MRPS27: variants seen among roughly 807,000 people sequenced by gnomAD.
MRPS27 encodes mitochondrial ribosomal protein S27, also known as small ribosomal subunit protein mS27.
Under a neutral mutation model 48.9 loss-of-function variants are expected in MRPS27, and 43 were observed. That is an observed-to-expected ratio of 0.88 (90% CI 0.69 to 1.13). The LOEUF (loss-of-function observed/expected upper bound fraction) is 1.13, where lower values mean the gene tolerates loss of function less well. MRPS27 is among the 50% of genes most tolerant of loss of function. MRPS27 has a pLI of 0.00. For synonymous variants in MRPS27, 188 were observed against 171.9 expected (o/e 1.09, Z -0.73); for missense variants, 467 against 476.3 (o/e 0.98, Z 0.18).
chr5:72,273,702 C>G (rs1303074020), intron 4 of MRPS27, among the ~76,000 whole-genome samples: 1 of 152,118 alleles, frequency 6.6e-6, no homozygotes, highest in Non-Finnish European at 1.5e-5. Context: ...GGGCACTTAC[C>G]ATGAATAGAG....
At chr5:72,274,296 G>A (rs1210023497) in intron 4 of MRPS27, among the ~76,000 whole-genome samples, 1 of 152,242 alleles carries the variant, frequency 6.6e-6, no homozygotes, top group Non-Finnish European at 1.5e-5. Flanking sequence ...AGAGGTTGCA[G>A]TGAGCAGAGA....
At chr5:72,295,421 A>T in intron 4 of MRPS27, 110 bp downstream of exon 4, 2 of 774,604 alleles carry the variant, frequency 2.6e-6, no homozygotes, top group Non-Finnish European at 4.3e-6. Context: ...AAAGATCTTT[A>T]AAATATAAAC....
chr5:72,277,997 T>G (rs1749423918), intron 4 of MRPS27, among the ~76,000 whole-genome samples: 1 of 152,156 alleles, frequency 6.6e-6, no homozygotes, highest in African/African-American at 2.4e-5. Context: ...GGCTTAATAC[T>G]TAGGTGACAG....
intron 2 of MRPS27, among the ~76,000 whole-genome samples, chr5:72,302,380 G>A (rs1750148307): frequency 6.6e-6 from 1 of 152,152 alleles, no homozygotes; most frequent in Non-Finnish European, 1.5e-5. Flanking sequence ...TAGCACGAGA[G>A]ACTTAAACAA....
chr5:72,263,832 T>A (rs111354073), intron 4 of MRPS27, among the ~76,000 whole-genome samples: 34 of 152,196 alleles, frequency 2.2e-4, no homozygotes, highest in Middle Eastern at 6.8e-3. Context: ...TGGAAAATAG[T>A]TTGGCAGTTC....
At chr5:72,272,348 G>A (rs1267730712) in intron 4 of MRPS27, among the ~76,000 whole-genome samples, 1 of 152,232 alleles carries the variant, frequency 6.6e-6, no homozygotes, top group East Asian at 1.9e-4. Flanking sequence ...AAACTGGTAA[G>A]AGTAGCTCAT....
intron 4 of MRPS27, among the ~76,000 whole-genome samples, chr5:72,252,552 G>A (rs1324508379): frequency 6.6e-6 from 1 of 152,018 alleles, no homozygotes; most frequent in Non-Finnish European, 1.5e-5. Context: ...AAATTGAAGG[G>A]GATTAAAATC....
intron 4 of MRPS27, among the ~76,000 whole-genome samples, chr5:72,268,736 C>A (rs1033467985): frequency 1.3e-5 from 2 of 152,162 alleles, no homozygotes; most frequent in Non-Finnish European, 2.9e-5. Context: ...TGGAATCTTG[C>A]AGGTCTTATA....
At chr5:72,312,281 T>G (rs1049581308) in intron 2 of MRPS27, among the ~76,000 whole-genome samples, 6 of 152,216 alleles carry the variant, frequency 3.9e-5, no homozygotes, top group African/African-American at 1.4e-4. Context: ...TAAGCAAAGT[T>G]TTTTTAATGG....
Position 72,221,038 on chromosome 5 carries a change from G to A in MRPS27, c.1116C>T (p.Ile372=), listed in dbSNP as rs369816290. 1.4e-3 allele frequency: 2,283 copies of A among 1,614,162 alleles called. 50 individuals are homozygous for A. The South Asian group carries it at 0.024, about 17-fold the overall frequency. Residue 372 remains isoleucine (I), a synonymous_variant, in exon 11 of 11, where the codon ATC becomes ATT. Transcript: ENST00000261413. The part of the protein sequence containing the change: ...EKLSTCEAED[I]ATYEQNLQQW... Reference sequence around the variant, plus strand: ...GCTGCAGATTCTGCTCATAGGTGGCGATGTCCTCTGCTTCACAGGTGGAGA... The same window carrying A: ...GCTGCAGATTCTGCTCATAGGTGGCAATGTCCTCTGCTTCACAGGTGGAGA...
At chr5:72,270,309 G>A (rs1012724425) in intron 4 of MRPS27, among the ~76,000 whole-genome samples, 2 of 150,778 alleles carry the variant, frequency 1.3e-5, no homozygotes, top group Non-Finnish European at 3.0e-5. Flanking sequence ...ATTAATTAAA[G>A]GCTATTCCTT....
chr5:72,230,911 G>A (rs1056280145), intron 7 of MRPS27, among the ~76,000 whole-genome samples: 3 of 151,864 alleles, frequency 2.0e-5, no homozygotes, highest in African/African-American at 7.3e-5. Flanking sequence ...ATGCCCATTG[G>A]CTACTCTCTA....
rs143036207 is a variant in MRPS27, at chr5:72,250,237, G to A, written c.282-12109C>T. Among the ~76,000 whole-genome samples, 962 of 152,262 alleles carry A rather than the reference G, an allele frequency of 6.3e-3. 10 individuals are homozygous for A. The highest frequency in any genetic ancestry group is 0.021 in the African/African-American group (893 of 41,556). ...TTGGGTATATTTAAGAAATAAAAAT[G>A]TTAGAGATAATGTTGTACCCTGCTT... On this transcript the variant is annotated intron_variant, in intron 4 of 10. Coordinates refer to ENST00000261413, the MANE Select transcript of MRPS27 (RefSeq NM_015084.3).
At chr5:72,276,351 T>C in intron 4 of MRPS27, among the ~76,000 whole-genome samples, 1 of 152,190 alleles carries the variant, frequency 6.6e-6, no homozygotes, top group East Asian at 1.9e-4. Context: ...CTGGGAGAAC[T>C]GGCTAACCAC....
At chr5:72,223,208 A>G (rs1033206105) in intron 10 of MRPS27, among the ~76,000 whole-genome samples, 2 of 152,238 alleles carry the variant, frequency 1.3e-5, no homozygotes, top group African/African-American at 2.4e-5. Context: ...ATGCAGCACA[A>G]GAGAACAATA....
chr5:72,298,706 C>A (rs1750046355), intron 2 of MRPS27, among the ~76,000 whole-genome samples: 2 of 135,794 alleles, frequency 1.5e-5, no homozygotes, highest in African/African-American at 2.8e-5. Context: ...GAGCGAGACT[C>A]CGTCTCAAAA....
At chr5:72,308,742 T>C (rs1007421249) in intron 2 of MRPS27, among the ~76,000 whole-genome samples, 1 of 152,224 alleles carries the variant, frequency 6.6e-6, no homozygotes, top group Non-Finnish European at 1.5e-5. Flanking sequence ...AATGTCCATT[T>C]TGAAAAAAGC....
In MRPS27 at chr5:72,320,233, C is replaced by A; in HGVS notation, c.-12G>T. The A allele has an allele frequency of 6.2e-7, 1 of 1,613,888 alleles. No homozygotes were observed. The highest frequency in any genetic ancestry group is 8.5e-7 in the Non-Finnish European group (1 of 1,179,880). Reference sequence around the variant, plus strand: ...ATGGAGGCAGCCATCTTGGAGCGTACCAAAAGGAACAGCCAACGGGTTACG... The same window carrying A: ...ATGGAGGCAGCCATCTTGGAGCGTAACAAAAGGAACAGCCAACGGGTTACG... On this transcript the variant is annotated 5_prime_UTR_variant, in exon 1 of 11. Coordinates refer to ENST00000261413, the MANE Select transcript of MRPS27 (RefSeq NM_015084.3).
chr5:72,225,928 C>G, intron 9 of MRPS27, 129 bp downstream of exon 9: 1 of 1,078,158 alleles, frequency 9.3e-7, no homozygotes, highest in East Asian at 2.7e-5. Flanking sequence ...ATTTTTTCGA[C>G]TTGATAAATA....
Sources: gnomAD v4.1 joint callset for allele counts (sites outside exome capture counted in the v4.1 genomes callset) on GRCh38, gnomAD v4.1.1 for gene constraint, MANE v1.5 for transcripts, NCBI Gene and HGNC (gene_info 2026-07-23, HGNC 2026-07-21) for gene names.